The following HCRTR2 variants were observed in gnomAD, a reference collection of about 807,000 sequenced individuals.
HCRTR2 encodes hypocretin receptor 2.
Under a neutral mutation model 49.0 loss-of-function variants are expected in HCRTR2, and 22 were observed. The ratio of observed to expected loss-of-function variants is 0.45; its 90% CI spans 0.32 to 0.64. The LOEUF (loss-of-function observed/expected upper bound fraction) is 0.64. HCRTR2 is among the 30% of genes least tolerant of loss of function. HCRTR2 has a pLI of 0.04. For missense variants in HCRTR2, 491 were observed against 559.4 expected, an observed-to-expected ratio of 0.88 and a Z score of 1.23; for synonymous variants, 236 against 205.3, an observed-to-expected ratio of 1.15 and a Z score of -1.28.
intron 1 of HCRTR2, among the ~76,000 whole-genome samples, chr6:55,157,013 C>T (rs1333263432): frequency 1.3e-5 from 2 of 152,032 alleles, no homozygotes; most frequent in African/African-American, 4.8e-5. Flanking sequence ...TTCTATTCAA[C>T]ATTGGAAAGA....
chr6:55,227,803 G>T (rs1766038280), intron 1 of HCRTR2, among the ~76,000 whole-genome samples: 2 of 152,202 alleles, frequency 1.3e-5, no homozygotes, highest in East Asian at 1.9e-4. Flanking sequence ...AGCAAAAGGA[G>T]AGATAAATGG....
intron 3 of HCRTR2, among the ~76,000 whole-genome samples, chr6:55,262,185 A>T (rs1766770321): frequency 1.3e-5 from 2 of 151,496 alleles, no homozygotes; most frequent in Non-Finnish European, 2.9e-5. Context: ...TGGGTGATAG[A>T]TGCACCAAAA....
intron 1 of HCRTR2, among the ~76,000 whole-genome samples, chr6:55,184,172 G>A (rs4289639): frequency 0.47 from 71,821 of 152,004 alleles, 17,283 homozygotes; most frequent in African/African-American, 0.54. Flanking sequence ...CAGGCAATCC[G>A]CCCACCTTGG....
At position 55,194,504 on chromosome 6, in the gene HCRTR2, G is replaced by A. The variant is rs531484579; in HGVS notation, c.223+19694G>A. 7.2e-5 allele frequency among the ~76,000 whole-genome samples: 11 copies of A among 151,984 alleles called. No individual in the cohort carries two copies. In the East Asian group the frequency reaches 1.9e-3, roughly 27 times the overall value. On this transcript the variant is annotated intron_variant, in intron 1 of 6. Coordinates refer to ENST00000370862, the MANE Select transcript of HCRTR2 (RefSeq NM_001384272.1). ...ATTATTCTACATATAATTAAATATG[G>A]ATATTTGTTTTCAAATATCAAATAA... is the stretch of plus-strand genomic sequence containing the variant.
chr6:55,170,385 G>A (rs1301820255), upstream of HCRTR2, among the ~76,000 whole-genome samples: 6 of 150,576 alleles, frequency 4.0e-5, no homozygotes, highest in African/African-American at 1.5e-4. Flanking sequence ...CGCATAGAAT[G>A]TGTAATGGTC....
intron 1 of HCRTR2, among the ~76,000 whole-genome samples, chr6:55,222,238 C>A (rs987266257): frequency 6.6e-6 from 1 of 151,094 alleles, no homozygotes; most frequent in Non-Finnish European, 1.5e-5. Flanking sequence ...GAAATGCAAA[C>A]CAAACCACAT....
chr6:55,183,222 G>A (rs985215788), intron 1 of HCRTR2, among the ~76,000 whole-genome samples: 1 of 152,176 alleles, frequency 6.6e-6, no homozygotes. Context: ...TATTTGAGAA[G>A]GACACTTAGC....
chr6:55,203,043 T>G lies in HCRTR2; in HGVS notation c.223+28233T>G, dbSNP rs1765538271. ...TTTAAAAAGCCAAGCCTATTCCCTT[T>G]TCATTATTCAGAGTTCTTCCAGTTT... On this transcript the variant is annotated intron_variant, in intron 1 of 6. Transcript: ENST00000370862. 2.0e-5 allele frequency among the ~76,000 whole-genome samples: 3 copies of G among 152,198 alleles called. No homozygotes were observed. In the South Asian group the frequency reaches 6.2e-4, roughly 32 times the overall value.
chr6:55,262,386 T>C lies in HCRTR2; in HGVS notation c.647-1321T>C, dbSNP rs560309256. ...AATGTATTATAGTTATATATAATAT[T>C]ATATATAAATATATAATGTATTATA... On this transcript the variant is annotated intron_variant, in intron 3 of 6. Coordinates refer to ENST00000370862, the MANE Select transcript of HCRTR2 (RefSeq NM_001384272.1). 9.1e-4 allele frequency among the ~76,000 whole-genome samples: 124 copies of C among 135,588 alleles called. 1 individual carries two copies. The South Asian group carries it at 0.025, about 27-fold the overall frequency. The allele number at this position is 135,588 out of a possible 152,430, so 89.0% of individuals were successfully genotyped here.
At chr6:55,107,545 A>T (rs186222780) in intron 1 of HCRTR2, among the ~76,000 whole-genome samples, 1 of 148,736 alleles carries the variant, frequency 6.7e-6, no homozygotes, top group Admixed American at 6.6e-5. Flanking sequence ...TCTGTAACAT[A>T]TACACTATAG....
intron 1 of HCRTR2, among the ~76,000 whole-genome samples, chr6:55,179,027 T>C (rs557735195): frequency 6.6e-6 from 1 of 152,314 alleles, no homozygotes; most frequent in African/African-American, 2.4e-5. Flanking sequence ...AAATTATCCA[T>C]TAAGTAATTT....
intron 1 of HCRTR2, among the ~76,000 whole-genome samples, chr6:55,234,664 A>G (rs1467273280): frequency 1.3e-5 from 2 of 152,136 alleles, no homozygotes. Flanking sequence ...TCTAACTCAA[A>G]AAGTGGGGAA....
intron 1 of HCRTR2, among the ~76,000 whole-genome samples, chr6:55,180,810 T>A (rs1242956151): frequency 2.6e-5 from 4 of 152,078 alleles, no homozygotes; most frequent in Non-Finnish European, 5.9e-5. Flanking sequence ...TTTTAATTTT[T>A]TTTTTTTGAG....
At chr6:55,188,317 G>A (rs897763186) in intron 1 of HCRTR2, among the ~76,000 whole-genome samples, 2 of 152,154 alleles carry the variant, frequency 1.3e-5, no homozygotes, top group Admixed American at 6.5e-5. Context: ...GGAAAGAGGA[G>A]CGAGGAATAC....
At chr6:55,165,407 T>C (rs1463232965) in intron 1 of HCRTR2, among the ~76,000 whole-genome samples, 1 of 152,026 alleles carries the variant, frequency 6.6e-6, no homozygotes. Context: ...AATAAAGGTG[T>C]TGGGATAATT....
intron 1 of HCRTR2, among the ~76,000 whole-genome samples, chr6:55,239,462 A>G (rs959792358): frequency 6.6e-6 from 1 of 152,224 alleles, no homozygotes; most frequent in South Asian, 2.1e-4. Flanking sequence ...CACAGGATTC[A>G]GTGGTATAGC....
chr6:55,220,794 T>C (rs923470606), intron 1 of HCRTR2, among the ~76,000 whole-genome samples: 1 of 152,158 alleles, frequency 6.6e-6, no homozygotes, highest in Non-Finnish European at 1.5e-5. Context: ...ATAATAATCT[T>C]ATATGTAGAA....
At chr6:55,206,913 G>GA (rs923306979) in intron 1 of HCRTR2, among the ~76,000 whole-genome samples, 4 of 151,624 alleles carry the variant, frequency 2.6e-5, no homozygotes, top group African/African-American at 9.7e-5. Flanking sequence ...ATCATGCAGT[G>GA]AAAAAAAATA....
chr6:55,162,273 A>C lies in HCRTR2; in HGVS notation c.-377-11938A>C, dbSNP rs547331441. On this transcript the variant is annotated intron_variant, in intron 1 of 7. Coordinates refer to the HCRTR2 transcript ENST00000615358. Reference sequence around the variant, plus strand: ...CTCAATAGATGCAGAAAAGGCCTTCAACAAAATTTAACAGCCCTTCATGCT... The same window carrying C: ...CTCAATAGATGCAGAAAAGGCCTTCCACAAAATTTAACAGCCCTTCATGCT... 2.9e-3 allele frequency among the ~76,000 whole-genome samples: 443 copies of C among 152,278 alleles called. 4 individuals carry two copies. The highest frequency in any genetic ancestry group is 0.01 in the African/African-American group (421 of 41,570).
Sources: gnomAD v4.1 joint callset for allele counts (sites outside exome capture counted in the v4.1 genomes callset) on GRCh38, gnomAD v4.1.1 for gene constraint, MANE v1.5 for transcripts, NCBI Gene and HGNC (gene_info 2026-07-23, HGNC 2026-07-21) for gene names.